PIWIL3: variants seen among roughly 807,000 people sequenced by gnomAD.
PIWIL3 encodes the protein piwi like RNA-mediated gene silencing 3, also known as piwi-like protein 3.
In PIWIL3, 101 loss-of-function variants were observed where a neutral mutation model predicts 109.7. That is an observed-to-expected ratio of 0.92 (90% CI 0.78 to 1.09). The LOEUF (loss-of-function observed/expected upper bound fraction) is 1.09. Among genes scored for constraint, PIWIL3 ranks in the 50% least tolerant of loss-of-function variants. The pLI is 0.00. For missense variants in PIWIL3, 1,031 were observed against 1,072.6 expected (o/e 0.96, Z 0.54); for synonymous variants, 373 against 376.4 (o/e 0.99, Z 0.10).
At chr22:24,721,480 T>C (rs1922670770) in intron 19 of PIWIL3, among the ~76,000 whole-genome samples, 1 of 152,192 alleles carries the variant, frequency 6.6e-6, no homozygotes, top group Non-Finnish European at 1.5e-5. Flanking sequence ...ATATCTTATC[T>C]ACTACTGAAA....
chr22:24,725,834 GTTCCT>G (rs67057353), intron 16 of PIWIL3, among the ~76,000 whole-genome samples: 57,271 of 151,788 alleles, frequency 0.38, 11,954 homozygotes, highest in Non-Finnish European at 0.49. Flanking sequence ...GCTCCCCCTG[GTTCCT>G]GCTTTGGGAC....
chr22:24,757,479 A>G (rs936481358), intron 4 of PIWIL3, among the ~76,000 whole-genome samples: 1 of 152,022 alleles, frequency 6.6e-6, no homozygotes, highest in African/African-American at 2.4e-5. Context: ...GAATCTATTA[A>G]AGTTTTTATC....
Position 24,735,906 on chromosome 22 carries a change from A to G in PIWIL3, c.1450-14T>C, listed in dbSNP as rs577813268. 4 of 1,579,164 alleles carry G rather than the reference A, an allele frequency of 2.5e-6. No individual in the cohort carries two copies. The highest frequency in any genetic ancestry group is 1.4e-5 in the African/African-American group (1 of 73,416). ...ATTGGCTTTAACCTGGAAAAGAATT[A>G]TAAGACATGGCATAAAACTTTATTT... is the stretch of plus-strand genomic sequence containing the variant. On this transcript the variant is annotated splice_polypyrimidine_tract_variant and intron_variant, in intron 12 of 20. Transcript: ENST00000616349.
At chr22:24,770,987 C>T (rs1926104481) in intron 1 of PIWIL3, among the ~76,000 whole-genome samples, 1 of 151,978 alleles carries the variant, frequency 6.6e-6, no homozygotes, top group African/African-American at 2.4e-5. Flanking sequence ...ACCTGTGCTC[C>T]AGGGGGACAA....
chr22:24,738,808 CCAAA>C (rs1315461193), intron 12 of PIWIL3, among the ~76,000 whole-genome samples: 1 of 152,018 alleles, frequency 6.6e-6, no homozygotes, highest in Non-Finnish European at 1.5e-5. Flanking sequence ...CTTTCAATGC[CCAAA>C]CACTCATCAA....
chr22:24,726,242 ATG>A (rs1251897601), intron 16 of PIWIL3, among the ~76,000 whole-genome samples: 1 of 150,584 alleles, frequency 6.6e-6, no homozygotes, highest in Non-Finnish European at 1.5e-5. Flanking sequence ...TTACTTAGCT[ATG>A]TGTGTTTCTC....
chr22:24,729,496 C>T (rs766102309), intron 14 of PIWIL3, among the ~76,000 whole-genome samples: 1 of 152,168 alleles, frequency 6.6e-6, no homozygotes, highest in Non-Finnish European at 1.5e-5. Flanking sequence ...AGTAAGCAAA[C>T]TTAGGAGTTA....
rs377148467 is a variant in PIWIL3, at chr22:24,756,689, C to T, written c.372G>A (p.Val124=). 1.8e-4 allele frequency: 291 copies of T among 1,613,486 alleles called. No homozygotes were observed. The Middle Eastern group carries it at 1.8e-3, about 10-fold the overall frequency. ...KDSKTGSEGT[V]VQLLANHFRV... ...GGAAGTGGTTGGCGAGTAGCTGTAC[C>T]ACTGTACCCTCTGAACCTGAAAAAT... The change falls in exon 5 of 21, where the codon GTG becomes GTA. Residue 124 remains valine (V), a synonymous_variant. Coordinates refer to ENST00000616349, the MANE Select transcript of PIWIL3 (RefSeq NM_001255975.1).
intron 1 of PIWIL3, chr22:24,769,799 A>AAATAATAATAAT (rs34067865): frequency 2.9e-5 from 4 of 137,346 alleles, no homozygotes; most frequent in African/African-American, 1.1e-4. Context: ...TCTGTCTCAA[A>AAATAATAATAAT]AATAATAATA....
intron 4 of PIWIL3, among the ~76,000 whole-genome samples, chr22:24,757,663 C>T (rs1277656698): frequency 0.016 from 979 of 59,920 alleles, 4 homozygotes; most frequent in Non-Finnish European, 0.023. Flanking sequence ...ATATATTACA[C>T]ACACACACAC....
At chr22:24,737,559 G>A (rs1326763057) in intron 12 of PIWIL3, among the ~76,000 whole-genome samples, 1 of 152,144 alleles carries the variant, frequency 6.6e-6, no homozygotes, top group African/African-American at 2.4e-5. Flanking sequence ...AAAGTAGAGG[G>A]AAAAGTGGAA....
intron 12 of PIWIL3, among the ~76,000 whole-genome samples, chr22:24,741,017 A>G (rs1206766628): frequency 1.3e-5 from 2 of 152,206 alleles, no homozygotes; most frequent in African/African-American, 4.8e-5. Flanking sequence ...TCAACAAAAT[A>G]CTAGCTAAAT....
rs775838433 is a variant in PIWIL3 at position 24,719,459 on chromosome 22, C to G, written c.*13G>C. 43 of 1,536,942 alleles carry G rather than the reference C, an allele frequency of 2.8e-5. No individual in the cohort carries two copies. The highest frequency in any genetic ancestry group is 3.7e-5 in the Non-Finnish European group (42 of 1,141,888). Reference sequence around the variant, plus strand: ...TTGTGGTTTCATTAGCACATCAGGTCTTCTTCTGCAGGTCAAAGGTAAAAG... The same window carrying G: ...TTGTGGTTTCATTAGCACATCAGGTGTTCTTCTGCAGGTCAAAGGTAAAAG... On this transcript the variant is annotated 3_prime_UTR_variant, in exon 21 of 21. Transcript: ENST00000616349.
intron 8 of PIWIL3, among the ~76,000 whole-genome samples, chr22:24,753,480 CTCTG>C (rs1487458542): frequency 9.2e-5 from 14 of 152,160 alleles, no homozygotes; most frequent in African/African-American, 2.7e-4. Flanking sequence ...TTTCATTGGT[CTCTG>C]TCTGTCTTTA....
In PIWIL3 at chr22:24,756,667, A is replaced by G; in HGVS notation, c.394T>C (p.Phe132Leu). The G allele has an allele frequency of 6.2e-7, 1 of 1,614,056 alleles. No individual in the cohort carries two copies. Among genetic ancestry groups the G allele is most frequent in the Non-Finnish European group, 8.5e-7 (1 of 1,179,966 alleles). Residue 132 changes from phenylalanine to leucine, a missense_variant, in exon 5 of 21, where the codon TTC (phenylalanine) becomes CTC (leucine). By Grantham distance (22) the Phe-to-Leu change is conservative. Transcript: ENST00000616349. ...CACTGAGGACGAGATATCACTCGGA[A>G]GTGGTTGGCGAGTAGCTGTACCACT... ...GTVVQLLANH[F>L]RVISRPQWVA...
At chr22:24,750,867 T>G (rs1333502636) in intron 9 of PIWIL3, among the ~76,000 whole-genome samples, 1 of 148,034 alleles carries the variant, frequency 6.8e-6, no homozygotes, top group Non-Finnish European at 1.5e-5. Flanking sequence ...CTCATGCCTG[T>G]AATCCCAGCA....
Position 24,773,541 on chromosome 22 carries a change from C to T in PIWIL3, c.-23+781G>A, listed in dbSNP as rs966442353. ...ATCAACCACAGGAGCAAAGAGCCCG[C>T]CTTTTCTGAGAAGAGCATTTACATA... is the stretch of plus-strand genomic sequence containing the variant. On this transcript the variant is annotated intron_variant, in intron 1 of 20. Coordinates refer to ENST00000616349, the MANE Select transcript of PIWIL3 (RefSeq NM_001255975.1). Among the ~76,000 whole-genome samples, 3 of 152,114 alleles carry T rather than the reference C, an allele frequency of 2.0e-5. No homozygotes were observed. In the East Asian group the frequency reaches 5.8e-4, roughly 29 times the overall value.
At chr22:24,722,153 G>A (rs1243396781) in intron 19 of PIWIL3, among the ~76,000 whole-genome samples, 3 of 152,120 alleles carry the variant, frequency 2.0e-5, no homozygotes, top group African/African-American at 4.8e-5. Flanking sequence ...CACGATCTCC[G>A]CTCACTGCAA....
In PIWIL3 at chr22:24,749,501, T is replaced by C; in HGVS notation, c.1237A>G (p.Lys413Glu). ...AATTCTTTCACAATGCTATAATCTT[T>C]ACATATTTCATCTGTTAGACCTTTA... ...HMTGLTDEIC[K>E]DYSIVKELAK... The change falls in exon 11 of 21, where the codon AAA becomes GAA. Residue 413 changes from lysine to glutamate, a missense_variant. Coordinates refer to ENST00000616349, the MANE Select transcript of PIWIL3 (RefSeq NM_001255975.1). 2 of 1,613,546 alleles carry C rather than the reference T, an allele frequency of 1.2e-6. No individual in the cohort carries two copies. The highest frequency in any genetic ancestry group is 1.1e-5 in the South Asian group (1 of 91,082).
Sources: allele counts gnomAD v4.1 joint callset (sites outside exome capture counted in the v4.1 genomes callset), GRCh38; gene constraint gnomAD v4.1.1; transcripts MANE v1.5; gene names NCBI Gene and HGNC (gene_info 2026-07-23, HGNC 2026-07-21).